The following DLG2 variants were observed in gnomAD, a reference collection of about 807,000 sequenced individuals.
DLG2 encodes discs large MAGUK scaffold protein 2, also known as disks large homolog 2.
In DLG2, 45 loss-of-function variants were observed where a neutral mutation model predicts 132.5. The ratio of observed to expected loss-of-function variants is 0.34; its 90% CI spans 0.27 to 0.44. DLG2 has a LOEUF of 0.44. DLG2 is among the 20% of genes least tolerant of loss of function. The probability of loss-of-function intolerance (pLI) is 1.00; values close to 1 mark genes in which losing one functional copy is unlikely to be tolerated. For synonymous variants in DLG2, 424 were observed against 419.6 expected, an observed-to-expected ratio of 1.01 and a Z score of -0.13; for missense variants, 1,045 against 1,196.9, an observed-to-expected ratio of 0.87 and a Z score of 1.87.
intron 6 of DLG2, among the ~76,000 whole-genome samples, chr11:84,782,859 G>C (rs150405920): frequency 6.6e-6 from 1 of 152,034 alleles, no homozygotes; most frequent in Non-Finnish European, 1.5e-5. Context: ...TTCCTCTTAA[G>C]AGTGTCACTC....
chr11:85,335,148 A>G (rs1490546742), intron 3 of DLG2, among the ~76,000 whole-genome samples: 1 of 152,104 alleles, frequency 6.6e-6, no homozygotes, highest in Non-Finnish European at 1.5e-5. Flanking sequence ...CTTCTCGTTG[A>G]ATTGAATGCT....
chr11:85,445,512 T>C (rs2091969024), intron 3 of DLG2, among the ~76,000 whole-genome samples: 1 of 152,144 alleles, frequency 6.6e-6, no homozygotes, highest in Non-Finnish European at 1.5e-5. Flanking sequence ...ACCCCGTCTC[T>C]ACTGAAAAAT....
chr11:83,600,109 G>A (rs928594863), intron 19 of DLG2, among the ~76,000 whole-genome samples: 3 of 152,128 alleles, frequency 2.0e-5, no homozygotes, highest in African/African-American at 7.2e-5. Context: ...TGGTCAACAA[G>A]GCATTTAAGA....
intron 6 of DLG2, among the ~76,000 whole-genome samples, chr11:84,786,496 A>G (rs750204008): frequency 6.6e-5 from 10 of 152,222 alleles, no homozygotes; most frequent in Non-Finnish European, 1.5e-4. Flanking sequence ...ACTAGAAACT[A>G]CAGGATGACT....
chr11:84,517,027 ATAAAT>A (rs1179807607), intron 7 of DLG2, among the ~76,000 whole-genome samples: 24 of 135,366 alleles, frequency 1.8e-4, no homozygotes, highest in Non-Finnish European at 2.9e-4. Flanking sequence ...TAAAAAATAA[ATAAAT>A]AAATAAATAA....
At chr11:84,673,120 C>A (rs376242283) in intron 6 of DLG2, among the ~76,000 whole-genome samples, 1 of 152,176 alleles carries the variant, frequency 6.6e-6, no homozygotes, top group Admixed American at 6.5e-5. Flanking sequence ...ATTAGGATTA[C>A]AATTTGACAT....
intron 6 of DLG2, among the ~76,000 whole-genome samples, chr11:85,076,424 C>T (rs2066558842): frequency 6.6e-6 from 1 of 152,018 alleles, no homozygotes; most frequent in African/African-American, 2.4e-5. Context: ...AGCCAATTAA[C>T]TTTCTAAACT....
intron 6 of DLG2, among the ~76,000 whole-genome samples, chr11:84,925,575 A>G (rs2092947064): frequency 6.6e-6 from 1 of 152,162 alleles, no homozygotes; most frequent in Admixed American, 6.6e-5. Context: ...CCCACTAAAG[A>G]ATATTCCATA....
At chr11:83,565,343 T>C (rs912901138) in intron 19 of DLG2, among the ~76,000 whole-genome samples, 8 of 152,174 alleles carry the variant, frequency 5.3e-5, no homozygotes, top group Non-Finnish European at 1.0e-4. Flanking sequence ...CTTCACTACC[T>C]TTAGAGTTAT....
At chr11:83,710,018 AG>A (rs1252757676) in intron 18 of DLG2, among the ~76,000 whole-genome samples, 2 of 152,312 alleles carry the variant, frequency 1.3e-5, no homozygotes, top group South Asian at 4.1e-4. Context: ...GAAAAAGCAA[AG>A]GGGAAAGTGT....
At chr11:84,038,306 A>T (rs908291795) in intron 11 of DLG2, among the ~76,000 whole-genome samples, 3 of 152,080 alleles carry the variant, frequency 2.0e-5, no homozygotes, top group Non-Finnish European at 4.4e-5. Flanking sequence ...TACAAGAAAA[A>T]AAAACAACCC....
At position 84,253,648 on chromosome 11, in the gene DLG2, T is replaced by C. The variant is rs11233964; in HGVS notation, c.520-2357A>G. Among the ~76,000 whole-genome samples the C allele has an allele frequency of 6.0e-4, 91 of 152,280 alleles. No individual in the cohort carries two copies. In the East Asian group the frequency reaches 0.016, roughly 27 times the overall value. ...AGGCAATAATAACAATAATTACTGCTTATTAAGTATGTATTACCATTTATT... is the reference window on the plus strand; with the variant it reads ...AGGCAATAATAACAATAATTACTGCCTATTAAGTATGTATTACCATTTATT... On this transcript the variant is annotated intron_variant, in intron 7 of 27. Coordinates refer to ENST00000376104, the MANE Select transcript of DLG2 (RefSeq NM_001142699.3).
At chr11:85,203,789 A>G (rs550244373) in intron 4 of DLG2, among the ~76,000 whole-genome samples, 13 of 152,246 alleles carry the variant, frequency 8.5e-5, no homozygotes, top group African/African-American at 2.6e-4. Flanking sequence ...AAAATTCTCA[A>G]TAAAATACTA....
intron 6 of DLG2, among the ~76,000 whole-genome samples, chr11:84,647,675 C>T (rs2099676631): frequency 6.6e-6 from 1 of 152,104 alleles, no homozygotes; most frequent in African/African-American, 2.4e-5. Context: ...ATTAAATGTT[C>T]GTAGATGACT....
At chr11:83,782,035 T>G (rs2094850041) in intron 18 of DLG2, among the ~76,000 whole-genome samples, 1 of 152,178 alleles carries the variant, frequency 6.6e-6, no homozygotes, top group Non-Finnish European at 1.5e-5. Context: ...TGTGCTATAT[T>G]TCAAAACAAC....
At chr11:85,440,266 C>T (rs1298332712) in intron 3 of DLG2, among the ~76,000 whole-genome samples, 1 of 152,106 alleles carries the variant, frequency 6.6e-6, no homozygotes, top group Non-Finnish European at 1.5e-5. Flanking sequence ...GTAACAATTG[C>T]TGTGTCTCAG....
intron 17 of DLG2, among the ~76,000 whole-genome samples, chr11:83,794,094 TGA>T (rs2042203553): frequency 6.6e-6 from 1 of 152,180 alleles, no homozygotes; most frequent in African/African-American, 2.4e-5. Flanking sequence ...CTCTAATATG[TGA>T]GTTTGTTTCT....
intron 17 of DLG2, among the ~76,000 whole-genome samples, chr11:83,791,864 C>T (rs942271050): frequency 1.3e-5 from 2 of 152,226 alleles, no homozygotes; most frequent in African/African-American, 4.8e-5. Context: ...CCTTCCTCCT[C>T]CTCCAGCTTG....
chr11:83,887,139 A>C (rs1234932605), intron 15 of DLG2, among the ~76,000 whole-genome samples: 3 of 152,220 alleles, frequency 2.0e-5, no homozygotes, highest in Non-Finnish European at 4.4e-5. Context: ...AAAACCCTTC[A>C]AAAAATTAAT....
Sources: allele counts gnomAD v4.1 joint callset (sites outside exome capture counted in the v4.1 genomes callset), GRCh38; gene constraint gnomAD v4.1.1; transcripts MANE v1.5; gene names NCBI Gene and HGNC (gene_info 2026-07-23, HGNC 2026-07-21).